The following SMIM22 variants were observed in gnomAD, a reference collection of about 807,000 sequenced individuals.
The protein encoded by SMIM22 is small integral membrane protein 22, also known as cancer associated small integral membrane open reading frame 1.
In SMIM22, 16 loss-of-function variants were observed where a neutral mutation model predicts 8.4. That is an observed-to-expected ratio of 1.90 (90% CI 1.29 to 2.89). The LOEUF is 2.89. Ranked by LOEUF, SMIM22 falls within the 30% of genes most tolerant of loss-of-function variation. SMIM22 has a pLI of 0.00. For synonymous variants in SMIM22, 67 were observed against 47.6 expected, an observed-to-expected ratio of 1.41 and a Z score of -1.68; for missense variants, 159 against 107.5, an observed-to-expected ratio of 1.48 and a Z score of -2.12.
Position 4,795,765 on chromosome 16 carries a change from A to G in SMIM22, c.31A>G (p.Thr11Ala), listed in dbSNP as rs1424431147. ...TGTGTCCACAGAGGAGCTGGAGGCC[A>G]CGGTTCAGGAAGTCCTGGGGAGACT... is the stretch of plus-strand genomic sequence containing the variant. MAVSTEELEA[T>A]VQEVLGRLKS... Residue 11 changes from threonine (T) to alanine (A), a missense_variant, in exon 2 of 4, where the codon ACG (threonine) becomes GCG (alanine). Transcript: ENST00000586005. The G allele has an allele frequency of 5.9e-6, 9 of 1,535,944 alleles. No individual in the cohort carries two copies. The Admixed American group carries it at 1.4e-4, about 23-fold the overall frequency.
chr16:4,793,350 A>C (rs1165149451), upstream of SMIM22, among the ~76,000 whole-genome samples: 1 of 152,166 alleles, frequency 6.6e-6, no homozygotes, highest in African/African-American at 2.4e-5. Flanking sequence ...TGTTGTTTGA[A>C]GCCACAGAGT....
chr16:4,795,986 T>G lies in SMIM22; in HGVS notation c.163T>G (p.Cys55Gly), dbSNP rs763459367. 2.0e-6 allele frequency: 3 copies of G among 1,503,986 alleles called. No homozygotes were observed. In the African/African-American group the frequency reaches 4.2e-5, roughly 21 times the overall value. The allele number at this position is 1,503,986 out of a possible 1,614,324, so 93.2% of individuals were successfully genotyped here. Residue 55 changes from cysteine (C) to glycine (G), a missense_variant, in exon 3 of 4, where the codon TGC becomes GGC. Physicochemically the swap from Cys to Gly is radical, Grantham distance 159 (BLOSUM62 -3). Coordinates refer to ENST00000586005, the MANE Select transcript of SMIM22 (RefSeq NM_001253794.2). ...CCTGCTGCTGCTGGTCGTCGCCCAC[T>G]GCTGCTGCTGCAGCTCCCCCGGGCC... ...LLLLLLVVAH[C>G]CCCSSPGPRR... is the part of the protein sequence containing the mutation.
upstream of SMIM22, among the ~76,000 whole-genome samples, chr16:4,793,405 G>A (rs2141895677): frequency 6.6e-6 from 1 of 152,318 alleles, no homozygotes; most frequent in South Asian, 2.1e-4. Context: ...TACATTAGGT[G>A]TGTGACGGGC....
chr16:4,794,283 A>G (rs1033644821), upstream of SMIM22, among the ~76,000 whole-genome samples: 5 of 149,674 alleles, frequency 3.3e-5, no homozygotes, highest in South Asian at 2.1e-4. Context: ...AATTTTTTGT[A>G]TTTTTAGTAG....
chr16:4,792,411 C>G (rs1450184178), upstream of SMIM22, among the ~76,000 whole-genome samples: 2 of 149,408 alleles, frequency 1.3e-5, no homozygotes, highest in South Asian at 2.2e-4. Context: ...AGGATGGTCT[C>G]GATCTCCTGA....
At chr16:4,789,768 G>C (rs1188597069) in intron 2 of SMIM22, among the ~76,000 whole-genome samples, 1 of 152,062 alleles carries the variant, frequency 6.6e-6, no homozygotes, top group Non-Finnish European at 1.5e-5. Flanking sequence ...CTGATAAGCT[G>C]TTTCTTATAC....
At chr16:4,792,190 T>C (rs1567584103), upstream of SMIM22, among the ~76,000 whole-genome samples, 1 of 151,750 alleles carries the variant, frequency 6.6e-6, no homozygotes, top group African/African-American at 2.4e-5. Flanking sequence ...GTTGTTCCCC[T>C]GCACTTTTCT....
At chr16:4,795,568 G>T in intron 1 of SMIM22, 119 bp downstream of exon 1, 2 of 997,634 alleles carry the variant, frequency 2.0e-6, no homozygotes, top group Non-Finnish European at 2.9e-6. Context: ...AGCTGGGCCT[G>T]GGGCCGAGGG....
upstream of SMIM22, among the ~76,000 whole-genome samples, chr16:4,793,985 G>A (rs1025422035): frequency 6.6e-6 from 1 of 152,162 alleles, no homozygotes; most frequent in Non-Finnish European, 1.5e-5. Context: ...ACCCAGGCGG[G>A]TGTGCGGTGA....
upstream of SMIM22, among the ~76,000 whole-genome samples, chr16:4,791,692 CTTTT>C (rs1298561319): frequency 2.6e-5 from 4 of 152,034 alleles, no homozygotes; most frequent in Non-Finnish European, 5.9e-5. Context: ...TGACTTTTGT[CTTTT>C]TTGTTTTCTG....
chr16:4,793,128 A>AAC (rs1555490028), upstream of SMIM22, among the ~76,000 whole-genome samples: 332 of 151,436 alleles, frequency 2.2e-3, no homozygotes, highest in African/African-American at 7.5e-3. Context: ...AAAAAAAAAA[A>AAC]AAGGGAGGGA....
chr16:4,792,309 G>A, upstream of SMIM22, among the ~76,000 whole-genome samples: 1 of 151,622 alleles, frequency 6.6e-6, no homozygotes, highest in East Asian at 2.0e-4. Flanking sequence ...TCCTGCCTCA[G>A]CCTCCCGAGT....
Position 4,796,187 on chromosome 16 carries a change from C to T in SMIM22, c.226-3C>T, listed in dbSNP as rs1449459851. The T allele has an allele frequency of 5.2e-6, 8 of 1,535,894 alleles. No individual in the cohort carries two copies. In the African/African-American group the frequency reaches 8.2e-5, roughly 16 times the overall value. On this transcript the variant is annotated splice_region_variant and splice_polypyrimidine_tract_variant and intron_variant, in intron 3 of 3. Transcript: ENST00000586005. ...GCTTGGTCCCGCTGTGCTTCTCGTG[C>T]AGGAAAGACCCAAGGGAGTGGATAA...
Position 4,795,747 on chromosome 16 carries a change from A to G in SMIM22, c.13A>G (p.Thr5Ala). 6.5e-7 allele frequency: 1 copy of G among 1,535,854 alleles called. No homozygotes were observed. Among genetic ancestry groups the G allele is most frequent in the Non-Finnish European group, 8.7e-7 (1 of 1,146,780 alleles). The change falls in exon 2 of 4, where the codon ACA (threonine) becomes GCA (alanine). Residue 5 changes from threonine (T) to alanine (A), a missense_variant. Coordinates refer to ENST00000586005, the MANE Select transcript of SMIM22 (RefSeq NM_001253794.2). MAVS[T>A]EELEATVQEV... is the part of the protein sequence containing the mutation. ...GGTGCACGCCAAGATGGCTGTGTCCACAGAGGAGCTGGAGGCCACGGTTCA... is the reference window on the plus strand; with the variant it reads ...GGTGCACGCCAAGATGGCTGTGTCCGCAGAGGAGCTGGAGGCCACGGTTCA...
intron 3 of SMIM22, 65 bp downstream of exon 3, chr16:4,796,113 G>GGA (rs2082640454): frequency 3.9e-6 from 6 of 1,533,832 alleles, no homozygotes; most frequent in Non-Finnish European, 5.2e-6. Flanking sequence ...GAAGGTGAGG[G>GGA]GAGTGGCGGG....
intron 2 of SMIM22, among the ~76,000 whole-genome samples, chr16:4,789,592 C>T (rs1309582797): frequency 1.3e-5 from 2 of 152,188 alleles, no homozygotes; most frequent in South Asian, 2.1e-4. Flanking sequence ...TCCCAAAGTG[C>T]TGGGATTACA....
chr16:4,792,121 G>C (rs1051563467), upstream of SMIM22, among the ~76,000 whole-genome samples: 1 of 152,214 alleles, frequency 6.6e-6, no homozygotes, highest in African/African-American at 2.4e-5. Context: ...GAGGGGAGAG[G>C]AGGGGACAGT....
At chr16:4,795,007 TGA>T (rs2082610064), upstream of SMIM22, 1 of 152,434 alleles carries the variant, frequency 6.6e-6, no homozygotes, top group Admixed American at 6.5e-5. Flanking sequence ...AACCAATCGT[TGA>T]GGATTCCAAG....
intron 2 of SMIM22, chr16:4,788,808 G>C (rs1276727318): frequency 6.6e-6 from 1 of 152,204 alleles, no homozygotes; most frequent in Non-Finnish European, 1.5e-5. Context: ...ATAGATAAGA[G>C]AGGGTCAGGT....
Sources: allele counts gnomAD v4.1 joint callset (sites outside exome capture counted in the v4.1 genomes callset), GRCh38; gene constraint gnomAD v4.1.1; transcripts MANE v1.5; gene names NCBI Gene and HGNC (gene_info 2026-07-23, HGNC 2026-07-21).